ART3: variants seen among roughly 807,000 people sequenced by gnomAD.
ART3 encodes the protein ADP-ribosyltransferase 3 (inactive).
A neutral mutation model predicts 48.5 loss-of-function variants in ART3; 49 were observed. The observed-to-expected ratio is 1.01, with a 90% CI of 0.80 to 1.28. The LOEUF is 1.28. Among genes scored for constraint, ART3 ranks in the 50% most tolerant of loss-of-function variants. The probability of loss-of-function intolerance (pLI) is 0.00; values close to 1 mark genes in which losing one functional copy is unlikely to be tolerated. For missense variants in ART3, 438 were observed against 454.3 expected, an observed-to-expected ratio of 0.96 and a Z score of 0.33; for synonymous variants, 145 against 157.2, an observed-to-expected ratio of 0.92 and a Z score of 0.58.
intron 1 of ART3, among the ~76,000 whole-genome samples, chr4:76,047,909 G>A (rs1735668337): frequency 6.6e-6 from 1 of 151,902 alleles, no homozygotes; most frequent in East Asian, 1.9e-4. Flanking sequence ...TACCTCTCAG[G>A]ATCATCTGAA....
In ART3 at chr4:76,096,306, C is replaced by T. The variant is rs1560643777; in HGVS notation, c.782-1338C>T. Among the ~76,000 whole-genome samples, 6 of 152,328 alleles carry T rather than the reference C, an allele frequency of 3.9e-5. 1 individual carries two copies. The South Asian group carries it at 1.2e-3, about 32-fold the overall frequency. ...CCTGAGTTTAGCCTCAGGGCACTGTCCAGATTCTAACACATCTGTTATTTC... is the reference window on the plus strand; with the variant it reads ...CCTGAGTTTAGCCTCAGGGCACTGTTCAGATTCTAACACATCTGTTATTTC... On this transcript the variant is annotated intron_variant, in intron 3 of 11. Coordinates refer to ENST00000355810, the MANE Select transcript of ART3 (RefSeq NM_001130016.3).
chr4:76,017,234 A>G (rs193013790), intron 1 of ART3, among the ~76,000 whole-genome samples: 183 of 151,406 alleles, frequency 1.2e-3, no homozygotes, highest in Admixed American at 5.7e-3. Flanking sequence ...ACTGTGTACT[A>G]CCTGGGTATT....
intron 8 of ART3, among the ~76,000 whole-genome samples, chr4:76,102,135 A>G (rs1376500967): frequency 6.6e-6 from 1 of 152,254 alleles, no homozygotes; most frequent in Non-Finnish European, 1.5e-5. Context: ...AGAAGAGCCA[A>G]AGAAAGTGGA....
intron 8 of ART3, among the ~76,000 whole-genome samples, chr4:76,101,707 G>A (rs558917716): frequency 4.6e-5 from 7 of 152,170 alleles, no homozygotes; most frequent in African/African-American, 2.4e-5. Context: ...AGCCGAGATC[G>A]CGCCACTGCA....
intron 1 of ART3, among the ~76,000 whole-genome samples, chr4:76,015,093 C>T (rs974971400): frequency 1.3e-5 from 2 of 152,100 alleles, no homozygotes; most frequent in Admixed American, 6.6e-5. Context: ...GATACTAACT[C>T]CAAGCCATAT....
chr4:76,070,605 G>A (rs919150092), upstream of ART3, among the ~76,000 whole-genome samples: 8 of 152,100 alleles, frequency 5.3e-5, no homozygotes, highest in Non-Finnish European at 7.4e-5. Flanking sequence ...GGAACTGAAC[G>A]TAGCTGGAGA....
chr4:76,040,123 G>A (rs967972349), intron 1 of ART3, among the ~76,000 whole-genome samples: 2 of 152,152 alleles, frequency 1.3e-5, no homozygotes, highest in Admixed American at 6.5e-5. Flanking sequence ...TCAGGAGTTC[G>A]AGACCAGCCT....
At chr4:76,103,622 T>TAAATGTA (rs1312954715) in intron 8 of ART3, among the ~76,000 whole-genome samples, 1 of 152,102 alleles carries the variant, frequency 6.6e-6, no homozygotes, top group African/African-American at 2.4e-5. Flanking sequence ...ACGATAGAGC[T>TAAATGTA]AAACCAAGCA....
rs183172156 is a variant in ART3, at chr4:76,108,515, G to A, written c.1036+722G>A. Among the ~76,000 whole-genome samples the A allele has an allele frequency of 5.3e-5, 8 of 152,010 alleles. No individual in the cohort carries two copies. The East Asian group carries it at 1.2e-3, about 22-fold the overall frequency. On this transcript the variant is annotated intron_variant, in intron 11 of 11. Coordinates refer to ENST00000355810, the MANE Select transcript of ART3 (RefSeq NM_001130016.3). Reference sequence around the variant, plus strand: ...CATGGTCCAGAACTAGAGCACTGCAGGATATCTATCCCTCTACCTCCACTC... The same window carrying A: ...CATGGTCCAGAACTAGAGCACTGCAAGATATCTATCCCTCTACCTCCACTC...
intron 1 of ART3, chr4:76,021,366 A>G (rs1328038490): frequency 6.5e-6 from 1 of 152,980 alleles, no homozygotes; most frequent in African/African-American, 2.4e-5. Flanking sequence ...TAAGACTTCT[A>G]CTTTGTACAG....
rs533189336 is a variant in ART3 at position 76,045,158 on chromosome 4, A to G, written c.-9-30723A>G. ...GCCCTTCGTATCCCATTCTTCACAA[A>G]TGAACTTCCATCGGTATATAGGTTA... On this transcript the variant is annotated intron_variant, in intron 1 of 9. Transcript: ENST00000341029. Among the ~76,000 whole-genome samples the G allele has an allele frequency of 1.8e-4, 27 of 152,046 alleles. No individual in the cohort carries two copies. In the East Asian group the frequency reaches 4.0e-3, roughly 23 times the overall value.
At chr4:76,031,836 T>G (rs1321857771) in intron 1 of ART3, among the ~76,000 whole-genome samples, 2 of 152,214 alleles carry the variant, frequency 1.3e-5, no homozygotes, top group Non-Finnish European at 2.9e-5. Flanking sequence ...GGCACAGGAA[T>G]AATTCATTAA....
chr4:76,077,114 C>G (rs1317909636), intron 2 of ART3, among the ~76,000 whole-genome samples: 1 of 152,082 alleles, frequency 6.6e-6, no homozygotes, highest in African/African-American at 2.4e-5. Context: ...CAACCATCAC[C>G]ACTATCTGAT....
chr4:76,034,744 C>G, intron 1 of ART3: 2 of 1,359,754 alleles, frequency 1.5e-6, no homozygotes, highest in South Asian at 1.2e-5. Flanking sequence ...TAAACTTGTT[C>G]TAGGTTTTTC....
intron 3 of ART3, among the ~76,000 whole-genome samples, chr4:76,086,518 A>G (rs1029566000): frequency 3.9e-5 from 6 of 152,350 alleles, no homozygotes; most frequent in South Asian, 4.1e-4. Flanking sequence ...GACAGGTAGG[A>G]TGAACAGATT....
intron 2 of ART3, among the ~76,000 whole-genome samples, chr4:76,079,048 T>C (rs932060335): frequency 1.3e-5 from 2 of 151,804 alleles, no homozygotes; most frequent in Non-Finnish European, 2.9e-5. Flanking sequence ...GCCACTGCAC[T>C]CCAGCCTGGG....
chr4:76,012,558 G>C (rs1731904900), intron 1 of ART3, among the ~76,000 whole-genome samples: 1 of 152,156 alleles, frequency 6.6e-6, no homozygotes, highest in African/African-American at 2.4e-5. Context: ...GTCACTAAGA[G>C]AAAGGACCAA....
chr4:76,084,309 G>A (rs1050194607), intron 3 of ART3, among the ~76,000 whole-genome samples: 1 of 152,160 alleles, frequency 6.6e-6, no homozygotes, highest in African/African-American at 2.4e-5. Context: ...GGGGATGGGG[G>A]TTCTGCAGAA....
intron 11 of ART3, among the ~76,000 whole-genome samples, chr4:76,112,153 T>C (rs1219149544): frequency 2.0e-5 from 3 of 152,262 alleles, no homozygotes; most frequent in Non-Finnish European, 4.4e-5. Flanking sequence ...GTTTTCATTG[T>C]GTGGGGGTTG....
Sources: gnomAD v4.1 joint callset for allele counts (sites outside exome capture counted in the v4.1 genomes callset) on GRCh38, gnomAD v4.1.1 for gene constraint, MANE v1.5 for transcripts, NCBI Gene and HGNC (gene_info 2026-07-23, HGNC 2026-07-21) for gene names.